Variants in ITSN2 observed in about 807,000 individuals in gnomAD.
ITSN2 encodes intersectin 2.
In ITSN2, 156 loss-of-function variants were observed where a neutral mutation model predicts 243.7. That is an observed-to-expected ratio of 0.64 (90% confidence interval 0.56 to 0.73). The LOEUF (loss-of-function observed/expected upper bound fraction) is 0.73, where lower values mean the gene tolerates loss of function less well. Ranked by LOEUF, ITSN2 falls within the 30% of genes least tolerant of loss-of-function variation. The pLI, the probability that ITSN2 is intolerant of heterozygous loss-of-function variation, is 0.00. For missense variants in ITSN2, 1,801 were observed against 1,996.1 expected, an observed-to-expected ratio of 0.90 and a Z score of 1.86; for synonymous variants, 703 against 699.9, an observed-to-expected ratio of 1.00 and a Z score of -0.07.
At chr2:24,254,475 A>C in intron 23 of ITSN2, 44 bp from the exon 24 acceptor site, 7 of 1,453,728 alleles carry the variant, frequency 4.8e-6, no homozygotes, top group Non-Finnish European at 5.8e-6. Context: ...AAACAAATAC[A>C]AGCAAAAATA....
Position 24,216,033 on chromosome 2 carries a change from C to A in ITSN2, c.3990+16G>T. 1 of 1,567,192 alleles carries A rather than the reference C, an allele frequency of 6.4e-7. No individual in the cohort carries two copies. The highest frequency in any genetic ancestry group is 1.7e-4 in the Middle Eastern group (1 of 5,856). ...CTCAGAAGGAGCCTGACCCGCAAGG[C>A]CCAGAATGGAATTACCTTTAAAAAT... On this transcript the variant is annotated intron_variant, in intron 32 of 39. Coordinates refer to ENST00000355123, the MANE Select transcript of ITSN2 (RefSeq NM_006277.3).
At chr2:24,254,311 A>G (rs1298027285) in intron 24 of ITSN2, 56 bp downstream of exon 24, 2 of 1,079,494 alleles carry the variant, frequency 1.9e-6, no homozygotes, top group Non-Finnish European at 2.9e-6. Flanking sequence ...GAAGTCAGGT[A>G]GTTAGTCAAG....
rs1669245208 is a variant in ITSN2 at position 24,209,318 on chromosome 2, G to C, written c.4474-97C>G. On this transcript the variant is annotated intron_variant, in intron 35 of 39. Transcript: ENST00000355123. ...AGTTCTGTTTGTTCTGAAGAGCCTT[G>C]TTGAGAAGGAGAAAGGGGTCTAGCG... 4 of 1,450,418 alleles carry C rather than the reference G, an allele frequency of 2.8e-6. No individual in the cohort carries two copies. In the Admixed American group the frequency reaches 7.3e-5, roughly 26 times the overall value. The allele number at this position is 1,450,418 out of a possible 1,614,324, so 89.8% of individuals were successfully genotyped here.
chr2:24,321,709 A>G (rs777375014), intron 2 of ITSN2: 1 of 152,202 alleles, frequency 6.6e-6, no homozygotes, highest in Non-Finnish European at 1.5e-5. Context: ...TAGTATAGCC[A>G]CAGAACTGAT....
At chr2:24,296,684 G>A (rs1681008733) in intron 13 of ITSN2, among the ~76,000 whole-genome samples, 1 of 152,208 alleles carries the variant, frequency 6.6e-6, no homozygotes, top group African/African-American at 2.4e-5. Context: ...GATCTTAGGA[G>A]CTGTGAAAAA....
chr2:24,312,907 GAA>G, intron 4 of ITSN2, among the ~76,000 whole-genome samples: 1 of 152,160 alleles, frequency 6.6e-6, no homozygotes, highest in Non-Finnish European at 1.5e-5. Context: ...CAAAATAACA[GAA>G]AGAGGATTTT....
chr2:24,312,217 C>T lies in ITSN2; in HGVS notation c.347G>A (p.Arg116His), dbSNP rs754364930. ...PPMFSPLISARFGMGSMPNLS... is the reference protein window; with the variant it reads ...PPMFSPLISAHFGMGSMPNLS... ...TTAAATTAATACATACTTACCAAAA[C>T]GAGCAGAAATTAATGGAGAAAACAT... Residue 116 changes from arginine (R) to histidine (H), a missense_variant, in exon 5 of 40, where the codon CGT (arginine) becomes CAT (histidine). Arg to His is a conservative substitution (Grantham distance 29). Transcript: ENST00000355123. 18 of 1,603,028 alleles carry T rather than the reference C, an allele frequency of 1.1e-5. No individual in the cohort carries two copies. Among genetic ancestry groups the T allele is most frequent in the African/African-American group, 1.3e-5 (1 of 74,496 alleles).
At chr2:24,284,715 A>C (rs1679241972) in intron 17 of ITSN2, 48 bp downstream of exon 17, 1 of 1,137,682 alleles carries the variant, frequency 8.8e-7, no homozygotes, top group Non-Finnish European at 1.3e-6. Context: ...TAAAAAAATA[A>C]AACAGCAAAG....
Position 24,261,152 on chromosome 2 carries a change from A to C in ITSN2, c.2636T>G (p.Phe879Cys). The stretch of plus-strand genomic sequence containing the variant: ...AGATCCAGGGGACACAGTTCGAGTG[A>C]AGGCTGATTTTTTCTGCCATGATGT... ...VNTSWQKKSAFTRTVSPGSVS... is the reference protein window; with the variant it reads ...VNTSWQKKSACTRTVSPGSVS... The change falls in exon 22 of 40, where the codon TTC becomes TGC. Residue 879 changes from phenylalanine to cysteine, a missense_variant. Transcript: ENST00000355123. 2 of 1,613,920 alleles carry C rather than the reference A, an allele frequency of 1.2e-6. No individual in the cohort carries two copies. The highest frequency in any genetic ancestry group is 1.7e-6 in the Non-Finnish European group (2 of 1,179,834).
At chr2:24,327,013 A>C (rs1163344275) in intron 2 of ITSN2, among the ~76,000 whole-genome samples, 1 of 152,140 alleles carries the variant, frequency 6.6e-6, no homozygotes, top group Non-Finnish European at 1.5e-5. Flanking sequence ...TACTGTTTTC[A>C]ATTTAAATAA....
At position 24,338,857 on chromosome 2, in the gene ITSN2, G is replaced by T. The variant is rs532896536; in HGVS notation, c.-33-10742C>A. 2.0e-5 allele frequency among the ~76,000 whole-genome samples: 3 copies of T among 152,204 alleles called. No individual in the cohort carries two copies. The East Asian group carries it at 5.8e-4, about 29-fold the overall frequency. On this transcript the variant is annotated intron_variant, in intron 1 of 39. Coordinates refer to ENST00000355123, the MANE Select transcript of ITSN2 (RefSeq NM_006277.3). ...ATAATAATAAATAATAAAGGGATTT[G>T]GGGAATGCCAAGAGAACCCAGAGAA...
chr2:24,235,023 T>G (rs1039126118), intron 29 of ITSN2, among the ~76,000 whole-genome samples: 2 of 152,184 alleles, frequency 1.3e-5, no homozygotes, highest in African/African-American at 2.4e-5. Flanking sequence ...AAAACTTATG[T>G]CCACAAAAAA....
intron 1 of ITSN2, among the ~76,000 whole-genome samples, chr2:24,345,778 TA>T (rs1196221553): frequency 6.6e-6 from 1 of 151,842 alleles, no homozygotes; most frequent in African/African-American, 2.4e-5. Flanking sequence ...TAAATGCTTT[TA>T]ATCTAGCTTG....
At chr2:24,350,565 C>T (rs1687929976) in intron 1 of ITSN2, among the ~76,000 whole-genome samples, 1 of 152,038 alleles carries the variant, frequency 6.6e-6, no homozygotes, top group South Asian at 2.1e-4. Flanking sequence ...GTAGAAGCAA[C>T]CGAGTGGAAG....
At chr2:24,280,209 C>A (rs1057114786) in intron 17 of ITSN2, among the ~76,000 whole-genome samples, 2 of 152,156 alleles carry the variant, frequency 1.3e-5, no homozygotes, top group African/African-American at 4.8e-5. Context: ...TATTTTACTT[C>A]TGTTGTCACT....
At chr2:24,336,008 G>A (rs1014587950) in intron 1 of ITSN2, among the ~76,000 whole-genome samples, 9 of 151,850 alleles carry the variant, frequency 5.9e-5, no homozygotes, top group Admixed American at 3.3e-4. Flanking sequence ...TTGGGAGGCC[G>A]AGGCAGGTGG....
rs1295440445 is a variant in ITSN2 at position 24,254,441 on chromosome 2, A to G, written c.2889-10T>C. On this transcript the variant is annotated splice_polypyrimidine_tract_variant and intron_variant, in intron 23 of 39. Coordinates refer to ENST00000355123, the MANE Select transcript of ITSN2 (RefSeq NM_006277.3). ...ATACAAAGCTTCTGGTCTACCAAATATATAAACAAACAAACAAACAAACAA... is the reference window on the plus strand; with the variant it reads ...ATACAAAGCTTCTGGTCTACCAAATGTATAAACAAACAAACAAACAAACAA... The G allele has an allele frequency of 6.3e-7, 1 of 1,593,170 alleles. No homozygotes were observed. The highest frequency in any genetic ancestry group is 8.6e-7 in the Non-Finnish European group (1 of 1,161,782).
chr2:24,282,938 AC>A (rs1678986981), intron 17 of ITSN2, among the ~76,000 whole-genome samples: 1 of 151,044 alleles, frequency 6.6e-6, no homozygotes, highest in Admixed American at 6.6e-5. Context: ...ATCAATTACC[AC>A]AATCTCAATC....
chr2:24,215,068 T>A (rs1669834079), intron 32 of ITSN2, among the ~76,000 whole-genome samples: 1 of 152,254 alleles, frequency 6.6e-6, no homozygotes, highest in African/African-American at 2.4e-5. Context: ...GTACGAAGGA[T>A]GTTGTTGACT....
Sources: gnomAD v4.1 joint callset for allele counts (sites outside exome capture counted in the v4.1 genomes callset) on GRCh38, gnomAD v4.1.1 for gene constraint, MANE v1.5 for transcripts, NCBI Gene and HGNC (gene_info 2026-07-23, HGNC 2026-07-21) for gene names.